The following LUZP2 variants were observed in gnomAD, a reference collection of about 807,000 sequenced individuals.
LUZP2 encodes the protein leucine zipper protein 2.
Under a neutral mutation model 51.6 loss-of-function variants are expected in LUZP2, and 52 were observed. The ratio of observed to expected loss-of-function variants is 1.01; its 90% CI spans 0.81 to 1.27. LUZP2 has a LOEUF of 1.27. Ranked by LOEUF, LUZP2 falls within the 50% of genes most tolerant of loss-of-function variation. LUZP2 has a pLI of 0.00. For missense variants in LUZP2, 436 were observed against 395.4 expected (o/e 1.10, Z -0.87); for synonymous variants, 154 against 137.3 (o/e 1.12, Z -0.85).
chr11:24,579,846 C>CAGT (rs1412275070), intron 1 of LUZP2, among the ~76,000 whole-genome samples: 1 of 151,976 alleles, frequency 6.6e-6, no homozygotes, highest in Non-Finnish European at 1.5e-5. Flanking sequence ...TTATACTAGG[C>CAGT]AGTAGTCTTT....
chr11:24,554,254 TATG>T (rs1590173961), intron 1 of LUZP2, among the ~76,000 whole-genome samples: 1 of 152,272 alleles, frequency 6.6e-6, no homozygotes, highest in East Asian at 1.9e-4. Context: ...AGAATACATG[TATG>T]ATATGATTTT....
intron 8 of LUZP2, among the ~76,000 whole-genome samples, chr11:24,977,250 A>G (rs1855905196): frequency 6.6e-6 from 1 of 151,676 alleles, no homozygotes; most frequent in South Asian, 2.1e-4. Context: ...TATAATATTA[A>G]CAAATATACA....
At chr11:25,061,896 G>T (rs150377505) in intron 10 of LUZP2, among the ~76,000 whole-genome samples, 233 of 152,142 alleles carry the variant, frequency 1.5e-3, no homozygotes, top group African/African-American at 4.6e-3. Context: ...GTTTGAAATT[G>T]ATATGGAATG....
chr11:25,071,290 A>C (rs1048041341), intron 10 of LUZP2, among the ~76,000 whole-genome samples: 17 of 152,050 alleles, frequency 1.1e-4, no homozygotes. Context: ...ATCACACATG[A>C]TGCTAAATGA....
At chr11:24,552,659 C>T (rs538489084) in intron 1 of LUZP2, among the ~76,000 whole-genome samples, 3 of 151,868 alleles carry the variant, frequency 2.0e-5, no homozygotes, top group African/African-American at 7.2e-5. Context: ...TCTATAACAG[C>T]GAACATAAAA....
At chr11:25,045,277 G>C (rs1201781913) in intron 9 of LUZP2, among the ~76,000 whole-genome samples, 2 of 151,606 alleles carry the variant, frequency 1.3e-5, no homozygotes, top group Non-Finnish European at 2.9e-5. Flanking sequence ...AAGTGGAATA[G>C]CATCAGTATT....
Position 24,589,030 on chromosome 11 carries a change from T to G in LUZP2, c.62+91725T>G, listed in dbSNP as rs536243206. On this transcript the variant is annotated intron_variant, in intron 1 of 11. Transcript: ENST00000336930. ...CTAACCTGGACGTCAATTATCAGTT[T>G]GGTAATTTATCCATCTCATTCTGCT... 4.6e-5 allele frequency among the ~76,000 whole-genome samples: 7 copies of G among 152,224 alleles called. No homozygotes were observed. In the South Asian group the frequency reaches 1.5e-3, roughly 32 times the overall value.
At chr11:24,991,396 G>GTGTGTATA (rs1398115496) in intron 9 of LUZP2, among the ~76,000 whole-genome samples, 9 of 124,978 alleles carry the variant, frequency 7.2e-5, no homozygotes, top group African/African-American at 2.2e-4. Flanking sequence ...GTGTGTGTGT[G>GTGTGTATA]TATATATATA....
intron 10 of LUZP2, among the ~76,000 whole-genome samples, chr11:25,059,870 T>C (rs1039757518): frequency 6.6e-6 from 1 of 152,214 alleles, no homozygotes; most frequent in Non-Finnish European, 1.5e-5. Flanking sequence ...TCAGTGCTTC[T>C]ATTATGATAG....
At chr11:24,518,018 C>A (rs1850532718) in intron 1 of LUZP2, among the ~76,000 whole-genome samples, 1 of 151,944 alleles carries the variant, frequency 6.6e-6, no homozygotes, top group East Asian at 1.9e-4. Flanking sequence ...CATTAAGTTT[C>A]TATTCATGTG....
At position 24,504,935 on chromosome 11, in the gene LUZP2, TTTCTAA is replaced by T. The variant is rs1850104277; in HGVS notation, c.62+7635_62+7640del. ...CTGCAGAGAAAATGCTTTACTCTAA[TTTCTAA>T]TTCTCACCGATAATTTAATAACTGA... On this transcript the variant is annotated intron_variant, in intron 1 of 11. Transcript: ENST00000336930. Among the ~76,000 whole-genome samples, 4 of 152,290 alleles carry T rather than the reference TTTCTAA, an allele frequency of 2.6e-5. No individual in the cohort carries two copies. The South Asian group carries it at 8.3e-4, about 32-fold the overall frequency.
intron 1 of LUZP2, among the ~76,000 whole-genome samples, chr11:24,712,775 G>A (rs1857884664): frequency 6.6e-6 from 1 of 152,166 alleles, no homozygotes; most frequent in Non-Finnish European, 1.5e-5. Context: ...CTTTGTCAAT[G>A]TATTCAGCAT....
chr11:24,806,184 G>A (rs1008194034), intron 5 of LUZP2, among the ~76,000 whole-genome samples: 1 of 152,160 alleles, frequency 6.6e-6, no homozygotes, highest in African/African-American at 2.4e-5. Context: ...TTTTATCATT[G>A]GTAAATGTGT....
chr11:24,626,756 A>G (rs1345506606), intron 1 of LUZP2, among the ~76,000 whole-genome samples: 1 of 146,676 alleles, frequency 6.8e-6, no homozygotes, highest in Non-Finnish European at 1.5e-5. Flanking sequence ...CAATACTGAG[A>G]AGATAGTATT....
intron 7 of LUZP2, among the ~76,000 whole-genome samples, chr11:24,964,908 A>G (rs1388821934): frequency 6.6e-6 from 1 of 151,922 alleles, no homozygotes; most frequent in African/African-American, 2.4e-5. Flanking sequence ...ATTCATTTTC[A>G]TGAAGACAAA....
chr11:24,909,126 A>T (rs1021881225), intron 6 of LUZP2, among the ~76,000 whole-genome samples: 4 of 151,268 alleles, frequency 2.6e-5, no homozygotes, highest in African/African-American at 9.7e-5. Flanking sequence ...ACTGTGAGGA[A>T]AACCCCTAAA....
chr11:24,780,595 G>T (rs186166703), intron 5 of LUZP2, among the ~76,000 whole-genome samples: 103 of 152,224 alleles, frequency 6.8e-4, no homozygotes, highest in African/African-American at 2.2e-3. Flanking sequence ...GATAATGATG[G>T]TTGATGATGA....
rs577587465 is a variant in LUZP2 at position 24,556,994 on chromosome 11, C to G, written c.62+59689C>G. On this transcript the variant is annotated intron_variant, in intron 1 of 11. Coordinates refer to ENST00000336930, the MANE Select transcript of LUZP2 (RefSeq NM_001009909.4). ...TATTTCATCCAGGCCATGCACTCTA[C>G]CATTATTAATTAATTTCCTCTCTTT... Among the ~76,000 whole-genome samples, 15 of 152,248 alleles carry G rather than the reference C, an allele frequency of 9.9e-5. No individual in the cohort carries two copies. In the South Asian group the frequency reaches 3.1e-3, roughly 32 times the overall value.
At chr11:24,567,760 AAAAT>A (rs1202848686) in intron 1 of LUZP2, among the ~76,000 whole-genome samples, 50 of 152,258 alleles carry the variant, frequency 3.3e-4, no homozygotes, top group African/African-American at 1.2e-3. Flanking sequence ...AAATGAAGAT[AAAAT>A]AAATGAGACT....
Sources: gnomAD v4.1 joint callset for allele counts (sites outside exome capture counted in the v4.1 genomes callset) on GRCh38, gnomAD v4.1.1 for gene constraint, MANE v1.5 for transcripts, NCBI Gene and HGNC (gene_info 2026-07-23, HGNC 2026-07-21) for gene names.